CD200R1L: variants seen among roughly 807,000 people sequenced by gnomAD.
The protein encoded by CD200R1L is cell surface glycoprotein CD200 receptor 2.
A neutral mutation model predicts 24.8 loss-of-function variants in CD200R1L; 14 were observed. The observed-to-expected ratio is 0.56, with a 90% CI of 0.37 to 0.88. The LOEUF is 0.88. CD200R1L is among the 40% of genes least tolerant of loss of function. The probability of loss-of-function intolerance (pLI) is 0.00; values close to 1 mark genes in which losing one functional copy is unlikely to be tolerated. For synonymous variants in CD200R1L, 111 were observed against 109.2 expected (o/e 1.02, Z -0.11); for missense variants, 299 against 297.8 (o/e 1.00, Z -0.03).
In CD200R1L at chr3:112,846,669, A is replaced by C. The variant is rs111234138; in HGVS notation, c.-403T>G. 1.7e-3 allele frequency: 258 copies of C among 152,374 alleles called. No homozygotes were observed. Among genetic ancestry groups the C allele is most frequent in the Admixed American group, 4.7e-3 (72 of 15,298 alleles). The allele number at this position is 152,374 out of a possible 1,614,324, so 9.4% of individuals were successfully genotyped here. On this transcript the variant is annotated 5_prime_UTR_variant, in exon 1 of 8. Coordinates refer to ENST00000488794, the MANE Select transcript of CD200R1L (RefSeq NM_001199215.3). The stretch of plus-strand genomic sequence containing the variant: ...TGGAAATAGGGTCATTGGAGATATA[A>C]TTAGTTAAGATGTGGCCATGCTGAA...
chr3:112,827,658 C>G lies in CD200R1L; in HGVS notation c.76G>C (p.Asp26His). Reference protein sequence around the residue: ...EGNISQPVLMDINAVLCCPPI... With the variant: ...EGNISQPVLMHINAVLCCPPI... ...GGGCAACAAAGCACAGCATTTATATCCATCAGTACAGGCTGTGAAATGTTA... is the reference window on the plus strand; with the variant it reads ...GGGCAACAAAGCACAGCATTTATATGCATCAGTACAGGCTGTGAAATGTTA... Residue 26 changes from aspartate (D) to histidine (H), a missense_variant, in exon 5 of 8, where the codon GAT becomes CAT. Physicochemically the swap from Asp to His is moderately conservative, Grantham distance 81. Coordinates refer to ENST00000488794, the MANE Select transcript of CD200R1L (RefSeq NM_001199215.3). 1 of 1,613,702 alleles carries G rather than the reference C, an allele frequency of 6.2e-7. No individual in the cohort carries two copies.
At chr3:112,834,551 C>T (rs1360135596) in intron 3 of CD200R1L, among the ~76,000 whole-genome samples, 1 of 152,288 alleles carries the variant, frequency 6.6e-6, no homozygotes, top group Non-Finnish European at 1.5e-5. Context: ...TAAGCCTGAT[C>T]ATCATGAGAC....
At chr3:112,837,863 G>T (rs1938988195) in intron 3 of CD200R1L, 79 bp downstream of exon 3, 5 of 483,066 alleles carry the variant, frequency 1.0e-5, no homozygotes, top group Non-Finnish European at 1.5e-5. Flanking sequence ...TTGCACACAG[G>T]ACAAATGATC....
intron 2 of CD200R1L, among the ~76,000 whole-genome samples, chr3:112,841,607 G>C (rs1341767352): frequency 6.6e-6 from 1 of 152,206 alleles, no homozygotes; most frequent in East Asian, 1.9e-4. Flanking sequence ...CAGGCTGGCA[G>C]AAGGAAAGGC....
chr3:112,818,184 T>A (rs1938442250), intron 7 of CD200R1L, among the ~76,000 whole-genome samples: 2 of 152,126 alleles, frequency 1.3e-5, no homozygotes, highest in African/African-American at 4.8e-5. Context: ...AGTCTTCTTT[T>A]AAATAAAAAA....
At chr3:112,816,025 A>T (rs199581600) in intron 7 of CD200R1L, 50 bp from the exon 8 acceptor site, 7 of 776,770 alleles carry the variant, frequency 9.0e-6, no homozygotes, top group Non-Finnish European at 1.7e-5. Flanking sequence ...TCCAGAGCTT[A>T]TGCAAGTGGG....
chr3:112,843,931 C>T (rs369571989), intron 2 of CD200R1L, among the ~76,000 whole-genome samples: 43 of 152,058 alleles, frequency 2.8e-4, no homozygotes, highest in East Asian at 7.7e-4. Flanking sequence ...AGAATTTAAA[C>T]GAACAACAAT....
chr3:112,827,127 G>C lies in CD200R1L; in HGVS notation c.482C>G (p.Thr161Ser). The change falls in exon 6 of 8, where the codon ACT (threonine) becomes AGT (serine). Residue 161 changes from threonine to serine, a missense_variant. Physicochemically the swap from Thr to Ser is moderately conservative, Grantham distance 58. Transcript: ENST00000488794. Reference protein sequence around the residue: ...SWIPEGSILATKQEYWGNGTV... With the variant: ...SWIPEGSILASKQEYWGNGTV... ...GCCATTGCCCCAGTATTCTTGCTTA[G>C]TGGCAAGAATAGATCCCTCTGGGAT... 6.2e-7 allele frequency: 1 copy of C among 1,613,548 alleles called. No individual in the cohort carries two copies. Among genetic ancestry groups the C allele is most frequent in the Non-Finnish European group, 8.5e-7 (1 of 1,180,034 alleles).
rs1000220356 is a variant in CD200R1L, at chr3:112,846,621, G to A, written c.-359+4C>T. ...TTATTTGTTGAAATTCTAATCCCCA[G>A]TACCTCAGAAGATGACCTTATTTGG... On this transcript the variant is annotated splice_donor_region_variant and intron_variant, in intron 1 of 7. Coordinates refer to ENST00000488794, the MANE Select transcript of CD200R1L (RefSeq NM_001199215.3). 1 of 152,230 alleles carries A rather than the reference G, an allele frequency of 6.6e-6. No homozygotes were observed. The highest frequency in any genetic ancestry group is 1.5e-5 in the Non-Finnish European group (1 of 68,046). 9.4% of individuals were successfully genotyped at this position (152,230 alleles called of 1,614,324 possible). A position where few individuals can be genotyped will look rare whatever the true frequency, so the allele number is the denominator to read the frequency against.
chr3:112,819,661 A>C, intron 7 of CD200R1L, 111 bp downstream of exon 7: 1 of 1,194,596 alleles, frequency 8.4e-7, no homozygotes, highest in Admixed American at 3.4e-5. Flanking sequence ...GGGAGAATAC[A>C]ACATACCAAA....
chr3:112,841,819 C>T (rs868512551), intron 2 of CD200R1L, among the ~76,000 whole-genome samples: 1 of 152,202 alleles, frequency 6.6e-6, no homozygotes, highest in East Asian at 1.9e-4. Flanking sequence ...AGGATAAAAC[C>T]ATGCACTCGA....
At position 112,833,350 on chromosome 3, in the gene CD200R1L, G is replaced by A. The variant is rs548735382; in HGVS notation, c.-17-3966C>T. On this transcript the variant is annotated intron_variant, in intron 3 of 7. Transcript: ENST00000488794. ...GATTCTGTGATAAAGATGAAATGTG[G>A]AGCCTCAGACAAGTCCAGTAGGACA... Among the ~76,000 whole-genome samples the A allele has an allele frequency of 6.6e-5, 10 of 152,202 alleles. No individual in the cohort carries two copies. In the East Asian group the frequency reaches 9.6e-4, roughly 15 times the overall value.
At chr3:112,820,590 C>T (rs1417986258) in intron 6 of CD200R1L, among the ~76,000 whole-genome samples, 4 of 151,940 alleles carry the variant, frequency 2.6e-5, no homozygotes, top group Admixed American at 1.3e-4. Flanking sequence ...ACCACCACGC[C>T]TGGCTAATTT....
intron 3 of CD200R1L, among the ~76,000 whole-genome samples, chr3:112,830,577 G>A (rs1938773614): frequency 7.4e-6 from 1 of 135,174 alleles, no homozygotes; most frequent in Admixed American, 8.3e-5. Context: ...TGTTTCTGAT[G>A]AGTATTTCCC....
chr3:112,827,770 A>C, intron 4 of CD200R1L, 86 bp from the exon 5 acceptor site: 1 of 1,271,752 alleles, frequency 7.9e-7, no homozygotes, highest in Admixed American at 2.4e-5. Flanking sequence ...TATTACATGA[A>C]GTTTTATTAG....
chr3:112,819,771 C>G lies in CD200R1L; in HGVS notation c.740+1G>C. The stretch of plus-strand genomic sequence containing the variant: ...TATGCTTTTCAGTCTTCAGTTCCTA[C>G]CTGACATGATTTATCCTCTGGAAGA... On this transcript the variant is annotated splice_donor_variant, in intron 7 of 7. Transcript: ENST00000488794. LOFTEE classifies it high-confidence loss of function. 1 of 1,596,360 alleles carries G rather than the reference C, an allele frequency of 6.3e-7. No individual in the cohort carries two copies. Among genetic ancestry groups the G allele is most frequent in the Non-Finnish European group, 8.5e-7 (1 of 1,175,010 alleles).
intron 2 of CD200R1L, among the ~76,000 whole-genome samples, chr3:112,841,677 G>T (rs188841693): frequency 6.6e-6 from 1 of 152,148 alleles, no homozygotes; most frequent in Non-Finnish European, 1.5e-5. Flanking sequence ...CCCCACCCAA[G>T]GCCCATGCCT....
intron 3 of CD200R1L, among the ~76,000 whole-genome samples, chr3:112,830,111 G>C (rs775012607): frequency 3.3e-5 from 5 of 152,178 alleles, no homozygotes; most frequent in Non-Finnish European, 7.3e-5. Flanking sequence ...GGGAACTGCA[G>C]AAAGGTAAGG....
intron 6 of CD200R1L, among the ~76,000 whole-genome samples, chr3:112,821,267 T>C (rs751027186): frequency 1.3e-5 from 2 of 152,098 alleles, no homozygotes; most frequent in Non-Finnish European, 1.5e-5. Flanking sequence ...CCTCAAAATA[T>C]CTTATAATCC....
Sources: gnomAD v4.1 joint callset for allele counts (sites outside exome capture counted in the v4.1 genomes callset) on GRCh38, gnomAD v4.1.1 for gene constraint, MANE v1.5 for transcripts, NCBI Gene and HGNC (gene_info 2026-07-23, HGNC 2026-07-21) for gene names.